Variants in SLCO1B1 observed in about 807,000 individuals in gnomAD.
The protein encoded by SLCO1B1 is OATP-2.
Under a neutral mutation model 70.1 loss-of-function variants are expected in SLCO1B1, and 81 were observed. The ratio of observed to expected loss-of-function variants is 1.16; its 90% CI spans 0.97 to 1.39. The LOEUF is 1.39. SLCO1B1 is among the 40% of genes most tolerant of loss of function. SLCO1B1 has a pLI of 0.00. For synonymous variants in SLCO1B1, 283 were observed against 271.5 expected, an observed-to-expected ratio of 1.04 and a Z score of -0.42; for missense variants, 895 against 799.6, an observed-to-expected ratio of 1.12 and a Z score of -1.44.
chr12:21,189,636 G>T (rs1205600408), intron 7 of SLCO1B1, among the ~76,000 whole-genome samples: 1 of 151,882 alleles, frequency 6.6e-6, no homozygotes, highest in East Asian at 1.9e-4. Context: ...TAGTAGAGAT[G>T]GGATTTCACC....
At chr12:21,143,995 C>T (rs1299400823) in intron 2 of SLCO1B1, among the ~76,000 whole-genome samples, 1 of 146,434 alleles carries the variant, frequency 6.8e-6, no homozygotes, top group Non-Finnish European at 1.5e-5. Context: ...ACAAACAAAA[C>T]TTTGAGAAAT....
rs539709640 is a variant in SLCO1B1 at position 21,165,043 on chromosome 12, A to G, written c.85-7607A>G. 4.6e-5 allele frequency among the ~76,000 whole-genome samples: 7 copies of G among 152,238 alleles called. No individual in the cohort carries two copies. In the East Asian group the frequency reaches 9.6e-4, roughly 21 times the overall value. ...CTAACTGCTATATTACAGTTGCTCA[A>G]TGAATGTTTCTTGAGTAAATCAGTT... On this transcript the variant is annotated intron_variant, in intron 2 of 14. Coordinates refer to ENST00000256958, the MANE Select transcript of SLCO1B1 (RefSeq NM_006446.5).
At chr12:21,224,549 G>T (rs779325785) in intron 13 of SLCO1B1, among the ~76,000 whole-genome samples, 173 bp from the exon 14 acceptor site, 4 of 152,024 alleles carry the variant, frequency 2.6e-5, no homozygotes, top group African/African-American at 9.7e-5. Flanking sequence ...ACATGATTTG[G>T]GTCTTTGAGA....
chr12:21,167,425 T>C (rs776750264), intron 2 of SLCO1B1, among the ~76,000 whole-genome samples: 1 of 152,094 alleles, frequency 6.6e-6, no homozygotes, highest in Non-Finnish European at 1.5e-5. Flanking sequence ...TGAAGAGCAA[T>C]TGTAAATCAA....
intron 12 of SLCO1B1, among the ~76,000 whole-genome samples, chr12:21,218,586 A>T (rs1260096014): frequency 6.6e-6 from 1 of 151,024 alleles, no homozygotes; most frequent in Non-Finnish European, 1.5e-5. Flanking sequence ...TATGCCACAG[A>T]TATAGCTCCA....
chr12:21,175,792 T>C (rs1940812559), intron 4 of SLCO1B1, among the ~76,000 whole-genome samples: 1 of 152,122 alleles, frequency 6.6e-6, no homozygotes, highest in South Asian at 2.1e-4. Context: ...TAATTTCCTT[T>C]TTAATCTTTA....
At position 21,174,576 on chromosome 12, in the gene SLCO1B1, G is replaced by A; in HGVS notation, c.227-1G>A. 6.2e-7 allele frequency: 1 copy of A among 1,613,070 alleles called. No homozygotes were observed. Among genetic ancestry groups the A allele is most frequent in the Non-Finnish European group, 8.5e-7 (1 of 1,179,564 alleles). The stretch of plus-strand genomic sequence containing the variant: ...TCAACATAATTTTGTTCCCTTTCTA[G>A]GAAATTTGCTTGTGATTGTATTTGT... On this transcript the variant is annotated splice_acceptor_variant, in intron 3 of 14. Transcript: ENST00000256958. LOFTEE classifies it high-confidence loss of function.
chr12:21,180,673 T>C (rs1008224823), intron 7 of SLCO1B1, among the ~76,000 whole-genome samples: 1 of 152,142 alleles, frequency 6.6e-6, no homozygotes, highest in Non-Finnish European at 1.5e-5. Flanking sequence ...TCTAAAACTA[T>C]AAAGAAAATA....
At chr12:21,227,827 A>C (rs764715864) in intron 14 of SLCO1B1, among the ~76,000 whole-genome samples, 1 of 152,130 alleles carries the variant, frequency 6.6e-6, no homozygotes, top group African/African-American at 2.4e-5. Flanking sequence ...AAGCCATACT[A>C]GTTCCTTTTT....
Position 21,132,393 on chromosome 12 carries a change from T to A in SLCO1B1, c.-62+1157T>A, listed in dbSNP as rs1350405873. The stretch of plus-strand genomic sequence containing the variant: ...GTCAAATGGTATTTCCAGTTCTAGA[T>A]CCCTGAGGAATCGCCACACTGTCTT... On this transcript the variant is annotated intron_variant, in intron 1 of 14. Transcript: ENST00000256958. Among the ~76,000 whole-genome samples, 3 of 152,164 alleles carry A rather than the reference T, an allele frequency of 2.0e-5. No homozygotes were observed. The East Asian group carries it at 5.8e-4, about 29-fold the overall frequency.
intron 2 of SLCO1B1, among the ~76,000 whole-genome samples, chr12:21,143,611 C>T (rs1054838261): frequency 1.3e-5 from 2 of 151,910 alleles, no homozygotes; most frequent in African/African-American, 4.8e-5. Context: ...ATAGACAGGG[C>T]AAATGTCTTC....
chr12:21,174,841 T>C, intron 4 of SLCO1B1, 132 bp downstream of exon 4: 1 of 816,416 alleles, frequency 1.2e-6, no homozygotes, highest in Non-Finnish European at 2.0e-6. Flanking sequence ...TGTACAGAAA[T>C]GAAATAGTGT....
At chr12:21,188,990 A>G (rs1054229485) in intron 7 of SLCO1B1, among the ~76,000 whole-genome samples, 32 of 152,176 alleles carry the variant, frequency 2.1e-4, no homozygotes, top group African/African-American at 7.2e-4. Flanking sequence ...TGTCTATACA[A>G]TATTTTCTTT....
rs118173671 is a variant in SLCO1B1, at chr12:21,165,362, T to C, written c.85-7288T>C. ...TGAAAATAGACATTTATCAAGGTTA[T>C]TATGTAGCTAGCACTGCATGTACAC... On this transcript the variant is annotated intron_variant, in intron 2 of 14. Transcript: ENST00000256958. Among the ~76,000 whole-genome samples the C allele has an allele frequency of 3.1e-3, 467 of 152,198 alleles. 20 individuals carry two copies. In the East Asian group the frequency reaches 0.076, roughly 25 times the overall value.
chr12:21,205,442 C>G (rs1380500960), intron 10 of SLCO1B1, among the ~76,000 whole-genome samples: 2 of 151,796 alleles, frequency 1.3e-5, no homozygotes, highest in Non-Finnish European at 2.9e-5. Context: ...AGTTAAATAG[C>G]ATTCGTAGAC....
chr12:21,154,767 A>G (rs1455056616), intron 2 of SLCO1B1, among the ~76,000 whole-genome samples: 2 of 152,064 alleles, frequency 1.3e-5, no homozygotes, highest in Non-Finnish European at 2.9e-5. Context: ...TATTTAAGCA[A>G]TTCTTCCAAA....
At chr12:21,160,763 A>T (rs992135024) in intron 2 of SLCO1B1, among the ~76,000 whole-genome samples, 1 of 152,178 alleles carries the variant, frequency 6.6e-6, no homozygotes, top group African/African-American at 2.4e-5. Context: ...ACAAATATGC[A>T]TCTAACAAAG....
chr12:21,164,881 C>G (rs746320289), intron 2 of SLCO1B1: 4 of 473,734 alleles, frequency 8.4e-6, no homozygotes, highest in African/African-American at 7.9e-5. Flanking sequence ...TTATAAAACT[C>G]AATACATATT....
At chr12:21,217,586 T>C (rs1941374659) in intron 12 of SLCO1B1, among the ~76,000 whole-genome samples, 1 of 152,124 alleles carries the variant, frequency 6.6e-6, no homozygotes, top group Non-Finnish European at 1.5e-5. Context: ...AGAATCGCCC[T>C]AGGATCCTAA....
Sources: allele counts gnomAD v4.1 joint callset (sites outside exome capture counted in the v4.1 genomes callset), GRCh38; gene constraint gnomAD v4.1.1; transcripts MANE v1.5; gene names NCBI Gene and HGNC (gene_info 2026-07-23, HGNC 2026-07-21).